The following ADAMTS7 variants were observed in gnomAD, a reference collection of about 807,000 sequenced individuals.
ADAMTS7 encodes the protein ADAM metallopeptidase with thrombospondin type 1 motif 7.
Under a neutral mutation model 172.6 loss-of-function variants are expected in ADAMTS7, and 89 were observed. The ratio of observed to expected loss-of-function variants is 0.52; its 90% CI spans 0.43 to 0.61. The LOEUF is 0.61. Ranked by LOEUF, ADAMTS7 falls within the 20% of genes least tolerant of loss-of-function variation. The pLI is 0.00. For missense variants in ADAMTS7, 1,973 were observed against 2,355.6 expected (o/e 0.84, Z 3.36); for synonymous variants, 885 against 978.4 (o/e 0.90, Z 1.78).
rs150570920 is a variant in ADAMTS7, at chr15:78,762,415, C to A, written c.4891G>T (p.Val1631Phe). The A allele has an allele frequency of 1.1e-5, 16 of 1,488,670 alleles. No individual in the cohort carries two copies. In the African/African-American group the frequency reaches 2.0e-4, roughly 19 times the overall value. The allele number at this position is 1,488,670 out of a possible 1,614,324, so 92.2% of individuals were successfully genotyped here. A position where few individuals can be genotyped will look rare whatever the true frequency, so the allele number is the denominator to read the frequency against. ...RPCGTEDCEPVEPPRCERDRL... is the reference protein window; with the variant it reads ...RPCGTEDCEPFEPPRCERDRL... ...TCAGGGGACTCACGGGGAGGCTCGA[C>A]GGGCTCACAATCCTCGGTGCCACAC... is the stretch of plus-strand genomic sequence containing the variant. The change falls in exon 23 of 24, where the codon GTC becomes TTC. Residue 1631 changes from valine (V) to phenylalanine (F), a missense_variant. By Grantham distance (50) the Val-to-Phe change is conservative. Transcript: ENST00000388820.
At chr15:78,760,444 C>A (rs544042189) in intron 23 of ADAMTS7, among the ~76,000 whole-genome samples, 2 of 152,200 alleles carry the variant, frequency 1.3e-5, no homozygotes, top group Admixed American at 1.3e-4. Context: ...GGGACATCCC[C>A]CAGGCCCGGC....
At chr15:78,762,854 C>T (rs1429972085) in intron 22 of ADAMTS7, among the ~76,000 whole-genome samples, 1 of 152,238 alleles carries the variant, frequency 6.6e-6, no homozygotes, top group African/African-American at 2.4e-5. Context: ...CAGGACATGC[C>T]TGAGAAGCCT....
chr15:78,800,151 AC>A, intron 2 of ADAMTS7, 40 bp downstream of exon 2: 1 of 1,540,190 alleles, frequency 6.5e-7, no homozygotes, highest in Non-Finnish European at 8.8e-7. Flanking sequence ...ACATCCCACC[AC>A]CCGAGACTGC....
rs1294456711 is a variant in ADAMTS7, at chr15:78,811,254, G to A, written c.-34C>T. On this transcript the variant is annotated 5_prime_UTR_variant, in exon 1 of 24. Transcript: ENST00000388820. Reference sequence around the variant, plus strand: ...CCGGGCGGCCGCCGGGTGACCCCGCGCGCACGCTCTCGTCCGTCCCGTCCG... The same window carrying A: ...CCGGGCGGCCGCCGGGTGACCCCGCACGCACGCTCTCGTCCGTCCCGTCCG... The A allele has an allele frequency of 6.5e-6, 8 of 1,223,540 alleles. No homozygotes were observed. The African/African-American group carries it at 9.4e-5, about 14-fold the overall frequency. The allele number at this position is 1,223,540 out of a possible 1,614,324, so 75.8% of individuals were successfully genotyped here. A position where few individuals can be genotyped will look rare whatever the true frequency, so the allele number is the denominator to read the frequency against.
chr15:78,775,694 C>T (rs2055332364), intron 11 of ADAMTS7, among the ~76,000 whole-genome samples: 1 of 152,236 alleles, frequency 6.6e-6, no homozygotes, highest in Non-Finnish European at 1.5e-5. Context: ...GGCCACCAAG[C>T]CCCTCCCGCT....
At chr15:78,809,292 G>A (rs2055835456) in intron 1 of ADAMTS7, among the ~76,000 whole-genome samples, 1 of 152,156 alleles carries the variant, frequency 6.6e-6, no homozygotes, top group Admixed American at 6.5e-5. Context: ...GGTAGGAGGA[G>A]CCCCAGGCTT....
intron 7 of ADAMTS7, among the ~76,000 whole-genome samples, chr15:78,789,094 C>T (rs1222114466): frequency 6.6e-6 from 1 of 152,270 alleles, no homozygotes; most frequent in African/African-American, 2.4e-5. Flanking sequence ...ATGACCCCAA[C>T]AGCTTTGACC....
At chr15:78,778,948 A>G (rs4468573) in intron 8 of ADAMTS7, among the ~76,000 whole-genome samples, 191 of 149,332 alleles carry the variant, frequency 1.3e-3, no homozygotes, top group African/African-American at 4.7e-3. Context: ...GTGTGGAGAG[A>G]GGCTGGGAGG....
intron 23 of ADAMTS7, 137 bp from the exon 24 acceptor site, chr15:78,759,715 G>A (rs143332670): frequency 0.018 from 20,465 of 1,152,216 alleles, 234 homozygotes; most frequent in Non-Finnish European, 0.021. Context: ...AGCGGCTCCC[G>A]AACCGGAGTT....
chr15:78,778,591 C>T (rs1596187070), intron 8 of ADAMTS7, among the ~76,000 whole-genome samples: 2 of 152,176 alleles, frequency 1.3e-5, no homozygotes, highest in South Asian at 2.1e-4. Flanking sequence ...AATTGAGCCA[C>T]ACAGACTTGC....
At chr15:78,791,737 G>C (rs775176216) in intron 4 of ADAMTS7, among the ~76,000 whole-genome samples, 12 of 152,344 alleles carry the variant, frequency 7.9e-5, no homozygotes, top group Non-Finnish European at 1.8e-4. Flanking sequence ...GGTAGAGTGA[G>C]GGTAGGCACA....
intron 8 of ADAMTS7, among the ~76,000 whole-genome samples, chr15:78,785,546 C>CAAAAAAAAAAAA (rs58203887): frequency 8.0e-6 from 1 of 124,658 alleles, no homozygotes; most frequent in Non-Finnish European, 1.6e-5. Flanking sequence ...GAGAGTCTCT[C>CAAAAAAAAAAAA]AAAAAAAAAA....
rs757341667 is a variant in ADAMTS7, at chr15:78,764,665, G to A, written c.4309C>T (p.Arg1437Cys). The A allele has an allele frequency of 9.5e-6, 15 of 1,571,848 alleles. No homozygotes were observed. The highest frequency in any genetic ancestry group is 1.3e-5 in the Non-Finnish European group (15 of 1,167,864). ...TCCTCATCCCGGCCGGAGCTACAGC[G>A]CACCGGCCTCCAGACCGCACCCAGG... Reference protein sequence around the residue: ...CGLGAVWRPVRCSSGRDEDCA... With the variant: ...CGLGAVWRPVCCSSGRDEDCA... The change falls in exon 20 of 24, where the codon CGC becomes TGC. Residue 1437 changes from arginine to cysteine, a missense_variant. Arg to Cys is a radical substitution (Grantham distance 180). Around this residue, in one of 8 missense-constraint regions of ADAMTS7, gnomAD observed 218 missense variants for 216.9 expected, o/e 1.01. Coordinates refer to ENST00000388820, the MANE Select transcript of ADAMTS7 (RefSeq NM_014272.5).
In ADAMTS7 at chr15:78,796,776, C is replaced by T. The variant is rs770417313; in HGVS notation, c.633G>A (p.Glu211=). ...CCCAACGCTCCCGTCGAGACTCCAG[C>T]TCTGGGTACACTGGAGGCCCAGATG... ...PSTCGVQVYP[E]LESRRERWEQ... Residue 211 remains glutamate (E), a synonymous_variant, in exon 4 of 24, where the codon GAG becomes GAA. Transcript: ENST00000388820. 7 of 1,609,328 alleles carry T rather than the reference C, an allele frequency of 4.3e-6. No individual in the cohort carries two copies. Among genetic ancestry groups the T allele is most frequent in the East Asian group, 4.5e-5 (2 of 44,864 alleles).
At position 78,763,772 on chromosome 15, in the gene ADAMTS7, G is replaced by T; in HGVS notation, c.4667C>A (p.Ala1556Glu). The T allele has an allele frequency of 1.3e-6, 2 of 1,596,898 alleles. No individual in the cohort carries two copies. The highest frequency in any genetic ancestry group is 8.5e-7 in the Non-Finnish European group (1 of 1,174,308). ...TCPEPGLCEE[A>E]LRPNTTRPCN... is the part of the protein sequence containing the mutation. ...GGGCCGGGTGGTGTTGGGTCTCAGCGCCTCCTCGCAGAGGCCTGGCTCCGG... is the reference window on the plus strand; with the variant it reads ...GGGCCGGGTGGTGTTGGGTCTCAGCTCCTCCTCGCAGAGGCCTGGCTCCGG... Residue 1556 changes from alanine (A) to glutamate (E), a missense_variant, in exon 22 of 24, where the codon GCG (alanine) becomes GAG (glutamate). Physicochemically the swap from Ala to Glu is moderately radical, Grantham distance 107. Around this residue, in one of 8 missense-constraint regions of ADAMTS7, gnomAD observed 218 missense variants for 216.9 expected, o/e 1.01. Coordinates refer to ENST00000388820, the MANE Select transcript of ADAMTS7 (RefSeq NM_014272.5).
chr15:78,771,938 G>C lies in ADAMTS7; in HGVS notation c.2132-109C>G. 6.8e-7 allele frequency: 1 copy of C among 1,465,814 alleles called. No homozygotes were observed. Among genetic ancestry groups the C allele is most frequent in the Non-Finnish European group, 9.1e-7 (1 of 1,096,936 alleles). The allele number at this position is 1,465,814 out of a possible 1,614,324, so 90.8% of individuals were successfully genotyped here. ...CTTGCCTCCGCCTGCTGATGCCAAA[G>C]CTTTAAAGTCTGAGCTCCCTAAATT... is the stretch of plus-strand genomic sequence containing the variant. On this transcript the variant is annotated intron_variant, in intron 14 of 23. Coordinates refer to ENST00000388820, the MANE Select transcript of ADAMTS7 (RefSeq NM_014272.5). This position sits in a 1 kb window ranked among gnomAD's most constrained non-coding sequence, Gnocchi z 4.9.
intron 2 of ADAMTS7, among the ~76,000 whole-genome samples, 162 bp from the exon 3 acceptor site, chr15:78,798,275 TC>T (rs1357012854): frequency 1.3e-5 from 2 of 152,178 alleles, no homozygotes; most frequent in African/African-American, 4.8e-5. Context: ...CTTTGCTCAC[TC>T]TGTAGCCTCC....
At chr15:78,768,645 C>A (rs2055199100) in intron 16 of ADAMTS7, among the ~76,000 whole-genome samples, 1 of 152,210 alleles carries the variant, frequency 6.6e-6, no homozygotes. Flanking sequence ...GGGAGGACTG[C>A]GTGTGTTCTT....
At position 78,790,705 on chromosome 15, in the gene ADAMTS7, A is replaced by G. The variant is rs1175991027; in HGVS notation, c.993T>C (p.His331=). The change falls in exon 6 of 24, where the codon CAT becomes CAC. Residue 331 remains histidine, a synonymous_variant. Transcript: ENST00000388820. The part of the protein sequence containing the change: ...QKSINMKGDA[H]PLHHDTAILL... ...GGATGGCAGTGTCATGGTGCAGGGG[A>G]TGGGCATCCCCCTTCATGTTGATGC... 4 of 1,613,920 alleles carry G rather than the reference A, an allele frequency of 2.5e-6. No individual in the cohort carries two copies. Among genetic ancestry groups the G allele is most frequent in the South Asian group, 1.1e-5 (1 of 91,058 alleles).
Sources: allele counts gnomAD v4.1 joint callset (sites outside exome capture counted in the v4.1 genomes callset), GRCh38; gene constraint gnomAD v4.1.1; regional missense constraint gnomAD v4.1.1; non-coding constraint Gnocchi (gnomAD v3.1); transcripts MANE v1.5; gene names NCBI Gene and HGNC (gene_info 2026-07-23, HGNC 2026-07-21).